The following SLC35A3 variants were observed in gnomAD, a reference collection of about 807,000 sequenced individuals.
SLC35A3 encodes the protein UDP-N-acetylglucosamine transporter.
A neutral mutation model predicts 39.0 loss-of-function variants in SLC35A3; 26 were observed. That is an observed-to-expected ratio of 0.67 (90% CI 0.49 to 0.92). SLC35A3 has a LOEUF of 0.92. SLC35A3 is among the 40% of genes least tolerant of loss of function. The probability of loss-of-function intolerance (pLI) is 0.00; values close to 1 mark genes in which losing one functional copy is unlikely to be tolerated. For synonymous variants in SLC35A3, 135 were observed against 133.1 expected (o/e 1.01, Z -0.10); for missense variants, 299 against 371.6 (o/e 0.80, Z 1.61).
At chr1:100,009,877 TAGTA>T (rs1386222148) in intron 4 of SLC35A3, among the ~76,000 whole-genome samples, 7 of 152,154 alleles carry the variant, frequency 4.6e-5, no homozygotes, top group Admixed American at 2.6e-4. Context: ...TTTGAGGAGA[TAGTA>T]AGTTTCTGGA....
rs1424163714 is a variant in SLC35A3 at position 99,997,408 on chromosome 1, TTTTA to T, written c.188-1851_188-1848del. Among the ~76,000 whole-genome samples, 327 of 55,694 alleles carry T rather than the reference TTTTA, an allele frequency of 5.9e-3. 22 individuals carry two copies. Among genetic ancestry groups the T allele is most frequent in the African/African-American group, 0.02 (269 of 13,488 alleles). The allele number at this position is 55,694 out of a possible 152,430, so 36.5% of individuals were successfully genotyped here. A position where few individuals can be genotyped will look rare whatever the true frequency, so the allele number is the denominator to read the frequency against. On this transcript the variant is annotated intron_variant, in intron 2 of 7. Transcript: ENST00000533028. ...ATACAGTTATATGTTTTATATATAG[TTTTA>T]TATATATATATATATATATATATAT... is the stretch of plus-strand genomic sequence containing the variant.
In SLC35A3 at chr1:100,007,019, T is replaced by C. The variant is rs370413976; in HGVS notation, c.343-15T>C. 32 of 1,588,860 alleles carry C rather than the reference T, an allele frequency of 2.0e-5. No homozygotes were observed. The East Asian group carries it at 5.8e-4, about 29-fold the overall frequency. ...AACAAACGAACATTAATAATATTAC[T>C]GTTTTCTTTTTCAGGTCACGTATCA... On this transcript the variant is annotated splice_polypyrimidine_tract_variant and intron_variant, in intron 3 of 7. Coordinates refer to ENST00000533028, the MANE Select transcript of SLC35A3 (RefSeq NM_012243.3).
intron 3 of SLC35A3, among the ~76,000 whole-genome samples, chr1:100,003,512 T>C (rs1274316172): frequency 6.6e-6 from 1 of 152,040 alleles, no homozygotes; most frequent in Non-Finnish European, 1.5e-5. Context: ...CTTTTAAAGA[T>C]TTGTTGAGAC....
intron 6 of SLC35A3, chr1:100,015,656 C>T (rs1660047388): frequency 2.4e-6 from 1 of 415,742 alleles, no homozygotes; most frequent in Admixed American, 4.4e-5. Flanking sequence ...AATGAAAATA[C>T]AAGTTTAAGA....
chr1:100,024,586 CA>C lies in SLC35A3; in HGVS notation c.*2111del, dbSNP rs1660783167. ...AAAAGAAAACACACACACACACACACACACCCACAGTATGAATGAAAAAAAT... is the reference window on the plus strand; with the variant it reads ...AAAAGAAAACACACACACACACACACCACCCACAGTATGAATGAAAAAAAT... On this transcript the variant is annotated 3_prime_UTR_variant, in exon 8 of 8. Transcript: ENST00000533028. The C allele has an allele frequency of 9.2e-5, 22 of 238,614 alleles. No homozygotes were observed. Among genetic ancestry groups the C allele is most frequent in the East Asian group, 2.2e-4 (3 of 13,516 alleles). The allele number at this position is 238,614 out of a possible 1,614,324, so 14.8% of individuals were successfully genotyped here.
intron 4 of SLC35A3, chr1:100,007,401 A>G (rs879102341): frequency 3.5e-6 from 1 of 289,028 alleles, no homozygotes; most frequent in Admixed American, 5.4e-5. Context: ...TAGGGAAATA[A>G]GACACTGCAT....
intron 1 of SLC35A3, among the ~76,000 whole-genome samples, chr1:99,971,983 C>T (rs1656840710): frequency 1.3e-5 from 2 of 151,946 alleles, no homozygotes; most frequent in South Asian, 2.1e-4. Flanking sequence ...CTGCAACCTC[C>T]GTCTCCCGGG....
At position 100,032,496 on chromosome 1, in the gene SLC35A3, G is replaced by C. The variant is rs748296563; in HGVS notation, c.*10020G>C. On this transcript the variant is annotated 3_prime_UTR_variant, in exon 8 of 8. Transcript: ENST00000533028. ...TAGCCAATCGGTCACAGTTCTTTTT[G>C]ATGCTCATATATATTGTGAGCCTCT... 6.6e-6 allele frequency: 1 copy of C among 151,858 alleles called. No homozygotes were observed. The highest frequency in any genetic ancestry group is 1.5e-5 in the Non-Finnish European group (1 of 67,984). The allele number at this position is 151,858 out of a possible 1,614,324, so 9.4% of individuals were successfully genotyped here. A position where few individuals can be genotyped will look rare whatever the true frequency, so the allele number is the denominator to read the frequency against.
intron 3 of SLC35A3, among the ~76,000 whole-genome samples, chr1:100,003,274 A>G (rs1378489343): frequency 6.6e-6 from 1 of 151,840 alleles, no homozygotes; most frequent in African/African-American, 2.4e-5. Flanking sequence ...AAATTGGCCA[A>G]GCATGGTGGC....
intron 6 of SLC35A3, among the ~76,000 whole-genome samples, chr1:100,016,334 G>C (rs991774131): frequency 6.6e-6 from 1 of 150,660 alleles, no homozygotes; most frequent in African/African-American, 2.4e-5. Flanking sequence ...AAAGTGCTGG[G>C]ATTACAGGTG....
chr1:100,011,698 ATTT>A (rs2101373509), intron 5 of SLC35A3, among the ~76,000 whole-genome samples, 165 bp downstream of exon 5: 1 of 112,766 alleles, frequency 8.9e-6, no homozygotes, highest in East Asian at 2.2e-4. Flanking sequence ...TTATTTATTT[ATTT>A]ATTTATTTAT....
chr1:100,018,081 G>T (rs1267007062), intron 7 of SLC35A3, among the ~76,000 whole-genome samples: 1 of 152,104 alleles, frequency 6.6e-6, no homozygotes, highest in African/African-American at 2.4e-5. Flanking sequence ...ATATAAAAAA[G>T]TTAATAAGTC....
At chr1:100,011,294 G>A in intron 4 of SLC35A3, 71 bp from the exon 5 acceptor site, 3 of 724,374 alleles carry the variant, frequency 4.1e-6, no homozygotes, top group Non-Finnish European at 6.4e-6. Context: ...TGGTCTAAGA[G>A]TGGGCTCTCA....
chr1:100,022,288 C>T, intron 7 of SLC35A3, 98 bp from the exon 8 acceptor site: 2 of 612,916 alleles, frequency 3.3e-6, no homozygotes, highest in Admixed American at 3.4e-5. Context: ...GAACATTTTT[C>T]CCCACATTAT....
chr1:99,974,357 G>A (rs866800051), intron 1 of SLC35A3, among the ~76,000 whole-genome samples: 4 of 152,086 alleles, frequency 2.6e-5, no homozygotes, highest in Non-Finnish European at 4.4e-5. Flanking sequence ...TATAGATAAG[G>A]GAAAGGAGGG....
chr1:99,970,465 A>G, intron 1 of SLC35A3: 1 of 1,084,062 alleles, frequency 9.2e-7, no homozygotes, highest in South Asian at 1.4e-5. Context: ...TGTGTGCCTC[A>G]GCGCCTGGTG....
At chr1:99,992,801 G>A (rs1658165522) in intron 1 of SLC35A3, among the ~76,000 whole-genome samples, 1 of 152,130 alleles carries the variant, frequency 6.6e-6, no homozygotes. Flanking sequence ...TGCATATTAT[G>A]AGACTCTGTT....
rs1570633843 is a variant in SLC35A3 at position 100,022,909 on chromosome 1, T to C, written c.*433T>C. ...AATATTTAAAGTTTGAAAATTATAA[T>C]TACCTATAAAGCTGTGAAAAATAGA... On this transcript the variant is annotated 3_prime_UTR_variant, in exon 8 of 8. Coordinates refer to ENST00000533028, the MANE Select transcript of SLC35A3 (RefSeq NM_012243.3). 1 of 152,874 alleles carries C rather than the reference T, an allele frequency of 6.5e-6. No homozygotes were observed. Among genetic ancestry groups the C allele is most frequent in the Middle Eastern group, 3.4e-3 (1 of 294 alleles). 9.5% of individuals were successfully genotyped at this position (152,874 alleles called of 1,614,324 possible). A position where few individuals can be genotyped will look rare whatever the true frequency, so the allele number is the denominator to read the frequency against.
chr1:100,020,540 C>T (rs533465008), intron 7 of SLC35A3, among the ~76,000 whole-genome samples: 1 of 152,290 alleles, frequency 6.6e-6, no homozygotes, highest in South Asian at 2.1e-4. Flanking sequence ...TGTATAACTG[C>T]ATTCGAGTCT....
Sources: gnomAD v4.1 joint callset for allele counts (sites outside exome capture counted in the v4.1 genomes callset) on GRCh38, gnomAD v4.1.1 for gene constraint, MANE v1.5 for transcripts, NCBI Gene and HGNC (gene_info 2026-07-23, HGNC 2026-07-21) for gene names.